The following MAP3K11 variants were observed in gnomAD, a reference collection of about 807,000 sequenced individuals.
The protein encoded by MAP3K11 is SH3 domain-containing proline-rich kinase.
Under a neutral mutation model 84.9 loss-of-function variants are expected in MAP3K11, and 46 were observed. That is an observed-to-expected ratio of 0.54 (90% CI 0.43 to 0.69). The LOEUF is 0.69. Ranked by LOEUF, MAP3K11 falls within the 30% of genes least tolerant of loss-of-function variation. The probability of loss-of-function intolerance (pLI) is 0.00; values close to 1 mark genes in which losing one functional copy is unlikely to be tolerated. For synonymous variants in MAP3K11, 527 were observed against 514.7 expected, an observed-to-expected ratio of 1.02 and a Z score of -0.32; for missense variants, 1,053 against 1,198.3, an observed-to-expected ratio of 0.88 and a Z score of 1.79.
intron 5 of MAP3K11, 65 bp from the exon 6 acceptor site, chr11:65,606,869 T>C: frequency 9.3e-7 from 1 of 1,071,452 alleles, no homozygotes; most frequent in African/African-American, 1.6e-5. Context: ...GACCCCAACC[T>C]GCAGGGGCCC....
Position 65,608,420 on chromosome 11 carries a change from G to A in MAP3K11, c.768C>T (p.Asp256=), listed in dbSNP as rs758407931. The change falls in exon 2 of 10, where the codon GAC becomes GAT. Residue 256 remains aspartate (D), a synonymous_variant. Coordinates refer to ENST00000309100, the MANE Select transcript of MAP3K11 (RefSeq NM_002419.4). ...NILLLQPIES[D]DMEHKTLKIT... The stretch of plus-strand genomic sequence containing the variant: ...TCTTCAGGGTCTTGTGCTCCATGTC[G>A]TCACTCTCAATGGGCTGCAGCAGCA... 7 of 1,614,138 alleles carry A rather than the reference G, an allele frequency of 4.3e-6. No homozygotes were observed. The highest frequency in any genetic ancestry group is 1.1e-5 in the South Asian group (1 of 91,088).
At position 65,599,567 on chromosome 11, in the gene MAP3K11, G is replaced by A. The variant is rs774745538; in HGVS notation, c.2033C>T (p.Pro678Leu). The change falls in exon 9 of 10, where the codon CCC (proline) becomes CTC (leucine). Residue 678 changes from proline (P) to leucine (L), a missense_variant. This residue lies in a region of MAP3K11 where 583 missense variants were observed against 566.6 expected (regional missense o/e 1.03). Coordinates refer to ENST00000309100, the MANE Select transcript of MAP3K11 (RefSeq NM_002419.4). ...GRERGESPTT[P>L]PTPTPAPCPT... ...GCAGGGCGCGGGCGTTGGCGTGGGG[G>A]GTGTTGTCGGGGACTCCCCGCGCTC... 3 of 1,501,924 alleles carry A rather than the reference G, an allele frequency of 2.0e-6. No homozygotes were observed. Among genetic ancestry groups the A allele is most frequent in the Non-Finnish European group, 2.6e-6 (3 of 1,134,284 alleles). 93.0% of individuals were successfully genotyped at this position (1,501,924 alleles called of 1,614,324 possible). A position where few individuals can be genotyped will look rare whatever the true frequency, so the allele number is the denominator to read the frequency against.
chr11:65,605,829 G>A lies in MAP3K11; in HGVS notation c.1763C>T (p.Ala588Val). The change falls in exon 8 of 10, where the codon GCC becomes GTC. Residue 588 changes from alanine (A) to valine (V), a missense_variant. Physicochemically the swap from Ala to Val is moderately conservative, Grantham distance 64. Coordinates refer to ENST00000309100, the MANE Select transcript of MAP3K11 (RefSeq NM_002419.4). The stretch of plus-strand genomic sequence containing the variant: ...GTCATCTGAATCCAGGTACCATGTG[G>A]CTTCGTCCATGCGGGACCTTCTCCT... ...NGRRRSRMDE[A>V]TWYLDSDDSS... is the part of the protein sequence containing the mutation. 1 of 1,613,364 alleles carries A rather than the reference G, an allele frequency of 6.2e-7. No individual in the cohort carries two copies. Among genetic ancestry groups the A allele is most frequent in the Non-Finnish European group, 8.5e-7 (1 of 1,179,638 alleles).
In MAP3K11 at chr11:65,599,559, G is replaced by C; in HGVS notation, c.2041C>G (p.Pro681Ala). 1 of 1,499,350 alleles carries C rather than the reference G, an allele frequency of 6.7e-7. No homozygotes were observed. Among genetic ancestry groups the C allele is most frequent in the Non-Finnish European group, 8.8e-7 (1 of 1,133,000 alleles). 92.9% of individuals were successfully genotyped at this position (1,499,350 alleles called of 1,614,324 possible). ...TCGGTCGGGCAGGGCGCGGGCGTTG[G>C]CGTGGGGGGTGTTGTCGGGGACTCC... is the stretch of plus-strand genomic sequence containing the variant. ...RGESPTTPPT[P>A]TPAPCPTEPP... The change falls in exon 9 of 10, where the codon CCA becomes GCA. Residue 681 changes from proline (P) to alanine (A), a missense_variant. By Grantham distance (27) the Pro-to-Ala change is conservative. Transcript: ENST00000309100.
At position 65,607,683 on chromosome 11, in the gene MAP3K11, G is replaced by C. The variant is rs1854527887; in HGVS notation, c.1203C>G (p.Arg401=). ...GCTCGTCGAAGAGACCCTGGATCTC[G>C]CGCTTCCAGCCTTCCTGCATGGAAT... is the stretch of plus-strand genomic sequence containing the variant. ...SFHSMQEGWK[R]EIQGLFDELR... The change falls in exon 4 of 10, where the codon CGC becomes CGG. Residue 401 remains arginine (R), a synonymous_variant. Coordinates refer to ENST00000309100, the MANE Select transcript of MAP3K11 (RefSeq NM_002419.4). The C allele has an allele frequency of 1.2e-6, 2 of 1,612,964 alleles. No homozygotes were observed. Among genetic ancestry groups the C allele is most frequent in the Non-Finnish European group, 1.7e-6 (2 of 1,179,326 alleles).
intron 1 of MAP3K11, chr11:65,610,027 G>A (rs1024053524): frequency 3.3e-5 from 5 of 152,606 alleles, no homozygotes; most frequent in Non-Finnish European, 5.9e-5. Flanking sequence ...TTTCGGCGCT[G>A]GTGCTTCTCA....
At position 65,607,287 on chromosome 11, in the gene MAP3K11, C is replaced by T. The variant is rs1854521441; in HGVS notation, c.1472G>A (p.Arg491His). The change falls in exon 5 of 10, where the codon CGT becomes CAT. Residue 491 changes from arginine to histidine, a missense_variant. Physicochemically the swap from Arg to His is conservative, Grantham distance 29. Around this residue, in one of 3 missense-constraint regions of MAP3K11, gnomAD observed 583 missense variants for 566.6 expected, o/e 1.03. Transcript: ENST00000309100. ...GCCCTCACCGAGTGGCATGCTGATACGCTCGCCGCCGTCGCGCGCCCGGAG... is the reference window on the plus strand; with the variant it reads ...GCCCTCACCGAGTGGCATGCTGATATGCTCGCCGCCGTCGCGCGCCCGGAG... ...SKLRARDGGE[R>H]ISMPLDFKHR... 2 of 1,520,424 alleles carry T rather than the reference C, an allele frequency of 1.3e-6. No homozygotes were observed. Among genetic ancestry groups the T allele is most frequent in the African/African-American group, 1.4e-5 (1 of 70,056 alleles). 94.2% of individuals were successfully genotyped at this position (1,520,424 alleles called of 1,614,324 possible).
intron 1 of MAP3K11, chr11:65,610,762 C>T (rs1056455752): frequency 6.6e-6 from 1 of 152,268 alleles, no homozygotes; most frequent in African/African-American, 2.4e-5. Flanking sequence ...GGCCACTCTC[C>T]ACCTTTTTCA....
intron 8 of MAP3K11, among the ~76,000 whole-genome samples, chr11:65,604,876 G>A (rs976196993): frequency 7.9e-5 from 12 of 152,116 alleles, no homozygotes; most frequent in Non-Finnish European, 1.8e-4. Context: ...ACAGGCAAGG[G>A]AGGCCATAAC....
At chr11:65,612,820 C>G (rs184880571) in intron 1 of MAP3K11, 198 bp downstream of exon 1, 7 of 484,954 alleles carry the variant, frequency 1.4e-5, no homozygotes, top group African/African-American at 1.4e-4. Flanking sequence ...ACTTCTGAAG[C>G]TGGCGCAGGA....
intron 1 of MAP3K11, 54 bp from the exon 2 acceptor site, chr11:65,608,502 G>C (rs1854538868): frequency 1.9e-6 from 3 of 1,566,654 alleles, no homozygotes; most frequent in African/African-American, 1.3e-5. Flanking sequence ...GTGGGGACAG[G>C]GTAAGAGCTG....
intron 1 of MAP3K11, chr11:65,609,632 G>T (rs1854549856): frequency 6.6e-6 from 1 of 152,280 alleles, no homozygotes; most frequent in African/African-American, 2.4e-5. Context: ...TACTTTTCAG[G>T]TTACAGCCAA....
chr11:65,599,566 G>A lies in MAP3K11; in HGVS notation c.2034C>T (p.Pro678=), dbSNP rs201560004. 5.1e-5 allele frequency: 77 copies of A among 1,501,830 alleles called. No individual in the cohort carries two copies. Among genetic ancestry groups the A allele is most frequent in the Non-Finnish European group, 5.9e-5 (67 of 1,134,364 alleles). The allele number at this position is 1,501,830 out of a possible 1,614,324, so 93.0% of individuals were successfully genotyped here. ...GRERGESPTT[P]PTPTPAPCPT... ...GGCAGGGCGCGGGCGTTGGCGTGGG[G>A]GGTGTTGTCGGGGACTCCCCGCGCT... Residue 678 remains proline, a synonymous_variant, in exon 9 of 10, where the codon CCC becomes CCT. Transcript: ENST00000309100.
Position 65,608,640 on chromosome 11 carries a change from A to G in MAP3K11, c.740-192T>C. On this transcript the variant is annotated intron_variant, in intron 1 of 9. Coordinates refer to ENST00000309100, the MANE Select transcript of MAP3K11 (RefSeq NM_002419.4). ...TTTCCTTTTTTTTTTTTCTTAAGAT[A>G]GAGTTTTGCTCTTGTTGCCCAGGCT... The G allele has an allele frequency of 1.2e-5, 7 of 574,958 alleles. No individual in the cohort carries two copies. The South Asian group carries it at 1.3e-4, about 10-fold the overall frequency. The allele number at this position is 574,958 out of a possible 1,614,324, so 35.6% of individuals were successfully genotyped here.
chr11:65,613,439 C>T lies in MAP3K11; in HGVS notation c.318G>A (p.Pro106=), dbSNP rs746795095. 2.4e-5 allele frequency: 39 copies of T among 1,612,198 alleles called. No homozygotes were observed. The highest frequency in any genetic ancestry group is 1.6e-4 in the East Asian group (7 of 44,860). Reference sequence around the variant, plus strand: ...GGAAGCTGGCCACCTCGCAGGGGGGCGGGCCGCCACCCCGAGACACATAGT... The same window carrying T: ...GGAAGCTGGCCACCTCGCAGGGGGGTGGGCCGCCACCCCGAGACACATAGT... ...PSNYVSRGGG[P]PPCEVASFQE... Residue 106 remains proline (P), a synonymous_variant, in exon 1 of 10, where the codon CCG becomes CCA. Transcript: ENST00000309100.
At chr11:65,602,248 AAGCCTATAATCCC>A (rs1257127372) in intron 8 of MAP3K11, among the ~76,000 whole-genome samples, 1 of 150,816 alleles carries the variant, frequency 6.6e-6, no homozygotes, top group African/African-American at 2.4e-5. Flanking sequence ...GTGGTGGCTC[AAGCCTATAATCCC>A]AGCACTTTGG....
At chr11:65,605,539 C>A in intron 8 of MAP3K11, 1 of 476,278 alleles carries the variant, frequency 2.1e-6, no homozygotes, top group Non-Finnish European at 3.7e-6. Flanking sequence ...GACTCTGGGC[C>A]CCGAGCCGAG....
intron 8 of MAP3K11, among the ~76,000 whole-genome samples, chr11:65,602,803 TA>T (rs554655454): frequency 2.6e-3 from 370 of 141,316 alleles, no homozygotes; most frequent in Non-Finnish European, 2.8e-3. Flanking sequence ...AGACTCCTTC[TA>T]AAAAAAAAAA....
intron 5 of MAP3K11, 29 bp downstream of exon 5, chr11:65,607,241 C>A: frequency 6.9e-7 from 1 of 1,452,750 alleles, no homozygotes; most frequent in Non-Finnish European, 9.0e-7. Flanking sequence ...CAGCCAATGG[C>A]GGGGGACGCC....
Sources: allele counts gnomAD v4.1 joint callset (sites outside exome capture counted in the v4.1 genomes callset), GRCh38; gene constraint gnomAD v4.1.1; regional missense constraint gnomAD v4.1.1; transcripts MANE v1.5; gene names NCBI Gene and HGNC (gene_info 2026-07-23, HGNC 2026-07-21).